ADAMTS6: variants seen among roughly 807,000 people sequenced by gnomAD.
The protein encoded by ADAMTS6 is ADAM metallopeptidase with thrombospondin type 1 motif 6.
In ADAMTS6, 23 loss-of-function variants were observed where a neutral mutation model predicts 144.3. The ratio of observed to expected loss-of-function variants is 0.16; its 90% CI spans 0.11 to 0.23. The LOEUF is 0.23. Among genes scored for constraint, ADAMTS6 ranks in the 10% least tolerant of loss-of-function variants. The pLI is 1.00. For synonymous variants in ADAMTS6, 444 were observed against 457.5 expected, an observed-to-expected ratio of 0.97 and a Z score of 0.38; for missense variants, 999 against 1,379.6, an observed-to-expected ratio of 0.72 and a Z score of 4.37.
At chr5:65,180,454 C>A (rs1754275140) in intron 22 of ADAMTS6, among the ~76,000 whole-genome samples, 1 of 152,132 alleles carries the variant, frequency 6.6e-6, no homozygotes, top group Admixed American at 6.5e-5. Flanking sequence ...TGCTGCCTCA[C>A]TCTACCCCTA....
chr5:65,376,280 CATAAAA>C (rs935692080), intron 7 of ADAMTS6, among the ~76,000 whole-genome samples: 1 of 151,612 alleles, frequency 6.6e-6, no homozygotes, highest in African/African-American at 2.4e-5. Flanking sequence ...AAAATAAAAA[CATAAAA>C]ATAAAAATAC....
intron 11 of ADAMTS6, among the ~76,000 whole-genome samples, chr5:65,274,038 T>C (rs1762260499): frequency 6.6e-6 from 1 of 152,272 alleles, no homozygotes; most frequent in Admixed American, 6.5e-5. Context: ...CCTACCTCCA[T>C]GAAAGGAAAC....
At chr5:65,312,815 G>T (rs537034660) in intron 9 of ADAMTS6, among the ~76,000 whole-genome samples, 13 of 152,082 alleles carry the variant, frequency 8.5e-5, no homozygotes, top group Admixed American at 3.3e-4. Context: ...ACCGGAGGAA[G>T]CTAGCTATTA....
intron 9 of ADAMTS6, among the ~76,000 whole-genome samples, chr5:65,305,500 G>C (rs1048037319): frequency 2.0e-5 from 3 of 152,006 alleles, no homozygotes; most frequent in Non-Finnish European, 4.4e-5. Context: ...TAGATAAATA[G>C]AGAGAAAAGA....
chr5:65,445,069 T>G (rs983106692), intron 7 of ADAMTS6, among the ~76,000 whole-genome samples: 2 of 152,232 alleles, frequency 1.3e-5, no homozygotes, highest in African/African-American at 4.8e-5. Context: ...TTACTATTCC[T>G]TAGAGTTTAG....
intron 24 of ADAMTS6, among the ~76,000 whole-genome samples, chr5:65,162,011 A>T (rs972321179): frequency 2.0e-5 from 3 of 152,264 alleles, no homozygotes; most frequent in African/African-American, 4.8e-5. Flanking sequence ...ATTAATAAAA[A>T]GCGATTTAGC....
In ADAMTS6 at chr5:65,347,998, A is replaced by G. The variant is rs139757959; in HGVS notation, c.1074-13913T>C. On this transcript the variant is annotated intron_variant, in intron 7 of 24. Transcript: ENST00000381055. ...AAATCATCTCATACTTGTTAGAATG[A>G]CTATCATCAAAAAGACAAAAGATAA... is the stretch of plus-strand genomic sequence containing the variant. 9.1e-3 allele frequency among the ~76,000 whole-genome samples: 1,383 copies of G among 152,222 alleles called. 23 individuals carry two copies. The highest frequency in any genetic ancestry group is 0.031 in the African/African-American group (1,306 of 41,572).
At chr5:65,398,203 G>C (rs536765056) in intron 7 of ADAMTS6, among the ~76,000 whole-genome samples, 16 of 152,254 alleles carry the variant, frequency 1.1e-4, no homozygotes, top group Non-Finnish European at 2.2e-4. Flanking sequence ...TGCTGAATTT[G>C]TCCATTTCTG....
chr5:65,305,177 G>A (rs114572924), intron 9 of ADAMTS6, among the ~76,000 whole-genome samples: 1 of 152,024 alleles, frequency 6.6e-6, no homozygotes, highest in Non-Finnish European at 1.5e-5. Flanking sequence ...TAAAACAAGG[G>A]TTGCAAAATC....
At chr5:65,187,376 T>C (rs755908232) in intron 22 of ADAMTS6, among the ~76,000 whole-genome samples, 2 of 152,202 alleles carry the variant, frequency 1.3e-5, no homozygotes, top group Non-Finnish European at 2.9e-5. Context: ...ATTATCTTGG[T>C]CAGGTCTTCC....
intron 10 of ADAMTS6, 138 bp downstream of exon 10, chr5:65,299,842 TTAAAG>T (rs1743190912): frequency 3.5e-6 from 3 of 864,050 alleles, no homozygotes; most frequent in African/African-American, 1.7e-5. Flanking sequence ...CAATGATATA[TTAAAG>T]TATTTAGGAA....
intron 15 of ADAMTS6, among the ~76,000 whole-genome samples, chr5:65,231,299 A>G (rs1190576872): frequency 6.6e-6 from 1 of 152,142 alleles, no homozygotes; most frequent in African/African-American, 2.4e-5. Flanking sequence ...GAAAGTCATT[A>G]TATAATGATA....
At chr5:65,158,522 A>G (rs1752559829) in intron 24 of ADAMTS6, among the ~76,000 whole-genome samples, 1 of 152,232 alleles carries the variant, frequency 6.6e-6, no homozygotes, top group African/African-American at 2.4e-5. Context: ...ATAAACTACA[A>G]GGGAACTTGA....
At position 65,412,829 on chromosome 5, in the gene ADAMTS6, A is replaced by G. The variant is rs1288478370; in HGVS notation, c.1073+38646T>C. Among the ~76,000 whole-genome samples the G allele has an allele frequency of 2.0e-5, 3 of 152,160 alleles. 1 individual carries two copies. In the South Asian group the frequency reaches 6.2e-4, roughly 31 times the overall value. On this transcript the variant is annotated intron_variant, in intron 7 of 24. Coordinates refer to ENST00000381055, the MANE Select transcript of ADAMTS6 (RefSeq NM_197941.4). ...TTAGCAGTTGAAGTAATTGAAAACC[A>G]TAACTAATTCAAATAATACTGATAC...
chr5:65,479,204 C>T (rs1206131407), intron 1 of ADAMTS6, among the ~76,000 whole-genome samples: 1 of 152,180 alleles, frequency 6.6e-6, no homozygotes, highest in East Asian at 1.9e-4. Context: ...TGAAAATTAA[C>T]TTCTTTCATT....
At chr5:65,308,062 T>C (rs1417467738) in intron 9 of ADAMTS6, among the ~76,000 whole-genome samples, 1 of 152,218 alleles carries the variant, frequency 6.6e-6, no homozygotes, top group Non-Finnish European at 1.5e-5. Context: ...TCTCATAATG[T>C]GAATTGGATA....
intron 7 of ADAMTS6, among the ~76,000 whole-genome samples, chr5:65,347,908 A>G (rs1376535498): frequency 6.6e-6 from 1 of 152,192 alleles, no homozygotes; most frequent in Non-Finnish European, 1.5e-5. Context: ...AATGGCCAAG[A>G]AACATATGAA....
chr5:65,430,879 TCTA>T (rs1756950993), intron 7 of ADAMTS6, among the ~76,000 whole-genome samples: 4 of 152,220 alleles, frequency 2.6e-5, no homozygotes. Flanking sequence ...AACAGACTTT[TCTA>T]CTACTTGATG....
chr5:65,402,711 G>A (rs1011810254), intron 7 of ADAMTS6, among the ~76,000 whole-genome samples: 6 of 151,726 alleles, frequency 4.0e-5, no homozygotes, highest in South Asian at 2.1e-4. Flanking sequence ...CATATTTGGC[G>A]CTGGATCCCT....
Sources: gnomAD v4.1 joint callset for allele counts (sites outside exome capture counted in the v4.1 genomes callset) on GRCh38, gnomAD v4.1.1 for gene constraint, MANE v1.5 for transcripts, NCBI Gene and HGNC (gene_info 2026-07-23, HGNC 2026-07-21) for gene names.